Variants in CDC42BPA observed in about 807,000 individuals in gnomAD.
The protein encoded by CDC42BPA is CDC42 binding protein kinase alpha, also known as serine/threonine-protein kinase MRCK alpha.
A neutral mutation model predicts 223.5 loss-of-function variants in CDC42BPA; 80 were observed. The ratio of observed to expected loss-of-function variants is 0.36; its 90% CI spans 0.30 to 0.43. The LOEUF (loss-of-function observed/expected upper bound fraction) is 0.43. Among genes scored for constraint, CDC42BPA ranks in the 20% least tolerant of loss-of-function variants. The pLI is 1.00. For synonymous variants in CDC42BPA, 694 were observed against 718.6 expected (o/e 0.97, Z 0.55); for missense variants, 1,743 against 2,099.9 (o/e 0.83, Z 3.32).
At chr1:227,252,249 T>A (rs1419677983) in intron 2 of CDC42BPA, among the ~76,000 whole-genome samples, 2 of 152,116 alleles carry the variant, frequency 1.3e-5, no homozygotes, top group African/African-American at 4.8e-5. Context: ...AATAAACTGA[T>A]AAACCCCTAG....
At chr1:227,016,507 A>T in intron 33 of CDC42BPA, among the ~76,000 whole-genome samples, 1 of 152,180 alleles carries the variant, frequency 6.6e-6, no homozygotes, top group East Asian at 1.9e-4. Context: ...ATGATTGGTA[A>T]CACTTTAGAA....
intron 26 of CDC42BPA, 86 bp downstream of exon 26, chr1:227,034,569 A>C (rs1669897199): frequency 8.0e-7 from 1 of 1,256,268 alleles, no homozygotes; most frequent in Non-Finnish European, 1.1e-6. Context: ...ATTTAAATAA[A>C]CCATGGCAAC....
chr1:227,199,659 C>T lies in CDC42BPA; in HGVS notation c.355-7G>A, dbSNP rs771330871. ...CTTCACGAAAACATGCTGTCTGAAA[C>T]ACAAAAAGAAAATTTTTAGAGCATA... On this transcript the variant is annotated splice_region_variant and splice_polypyrimidine_tract_variant and intron_variant, in intron 3 of 36. Coordinates refer to ENST00000366766, the MANE Select transcript of CDC42BPA (RefSeq NM_001394014.1). The T allele has an allele frequency of 8.5e-5, 129 of 1,513,250 alleles. No individual in the cohort carries two copies. Among genetic ancestry groups the T allele is most frequent in the Middle Eastern group, 1.7e-4 (1 of 5,882 alleles). The allele number at this position is 1,513,250 out of a possible 1,614,324, so 93.7% of individuals were successfully genotyped here. A position where few individuals can be genotyped will look rare whatever the true frequency, so the allele number is the denominator to read the frequency against.
rs1558226285 is a variant in CDC42BPA at position 226,992,027 on chromosome 1, AGGGTGGGG to A, written c.*2233_*2240del. 4.7e-4 allele frequency: 10 copies of A among 21,326 alleles called. 1 individual carries two copies. The highest frequency in any genetic ancestry group is 1.6e-3 in the African/African-American group (8 of 5,100). 1.3% of individuals were successfully genotyped at this position (21,326 alleles called of 1,614,324 possible). On this transcript the variant is annotated 3_prime_UTR_variant, in exon 37 of 37. Coordinates refer to ENST00000366766, the MANE Select transcript of CDC42BPA (RefSeq NM_001394014.1). ...GGAGGGGAGGGTGGGGAGAGTGAGG[AGGGTGGGG>A]AGAGTGAGGAGGGTGGGGAGAGTGG...
intron 6 of CDC42BPA, among the ~76,000 whole-genome samples, chr1:227,151,495 C>T (rs770923631): frequency 3.6e-4 from 54 of 152,110 alleles, no homozygotes; most frequent in Non-Finnish European, 6.6e-4. Flanking sequence ...GGTATATACC[C>T]AGAGGAGGAA....
chr1:227,223,697 A>G (rs528900572), intron 2 of CDC42BPA, among the ~76,000 whole-genome samples: 1 of 152,334 alleles, frequency 6.6e-6, no homozygotes, highest in East Asian at 1.9e-4. Flanking sequence ...GAAGAGTTCT[A>G]ACTATACCAC....
In CDC42BPA at chr1:227,129,095, T is replaced by G. The variant is rs1391078019; in HGVS notation, c.1513+14A>C. 2 of 1,364,030 alleles carry G rather than the reference T, an allele frequency of 1.5e-6. No individual in the cohort carries two copies. The highest frequency in any genetic ancestry group is 2.1e-6 in the Non-Finnish European group (2 of 972,494). 84.5% of individuals were successfully genotyped at this position (1,364,030 alleles called of 1,614,324 possible). ...TTTCCTAAATTGAATTAACAGTGAA[T>G]CACAGATATTTACCTGTTACTTGTT... On this transcript the variant is annotated intron_variant, in intron 11 of 36. Coordinates refer to ENST00000366766, the MANE Select transcript of CDC42BPA (RefSeq NM_001394014.1).
intron 1 of CDC42BPA, among the ~76,000 whole-genome samples, chr1:227,258,472 G>A (rs551289972): frequency 6.6e-6 from 1 of 150,678 alleles, no homozygotes. Flanking sequence ...CTATACAGGG[G>A]TATACAGTTA....
intron 23 of CDC42BPA, among the ~76,000 whole-genome samples, chr1:227,043,980 G>A (rs11804924): frequency 6.6e-6 from 1 of 152,132 alleles, no homozygotes; most frequent in Middle Eastern, 3.4e-3. Context: ...CAGTATCCAC[G>A]TGTGAAGCTG....
At chr1:227,169,562 T>C (rs1273646028) in intron 5 of CDC42BPA, among the ~76,000 whole-genome samples, 4 of 152,172 alleles carry the variant, frequency 2.6e-5, no homozygotes. Flanking sequence ...GGATCCCCTC[T>C]CTAACAAACA....
At chr1:227,039,320 A>G (rs931607120) in intron 24 of CDC42BPA, among the ~76,000 whole-genome samples, 2 of 151,288 alleles carry the variant, frequency 1.3e-5, no homozygotes, top group African/African-American at 2.4e-5. Flanking sequence ...AGCTTATGCT[A>G]AAAAAAAAGT....
chr1:227,090,585 C>T (rs1051531320), intron 16 of CDC42BPA, among the ~76,000 whole-genome samples: 2 of 151,930 alleles, frequency 1.3e-5, no homozygotes, highest in South Asian at 2.1e-4. Flanking sequence ...CTGAGGTGGG[C>T]GGATTGCTTG....
intron 1 of CDC42BPA, chr1:227,264,697 T>C: frequency 1.5e-6 from 1 of 665,136 alleles, no homozygotes; most frequent in Admixed American, 2.4e-5. Context: ...TAAGAGGCTT[T>C]AACATGAGAA....
At chr1:227,213,369 T>C (rs1047316650) in intron 2 of CDC42BPA, 150 bp from the exon 3 acceptor site, 1 of 518,108 alleles carries the variant, frequency 1.9e-6, no homozygotes, top group Non-Finnish European at 3.4e-6. Flanking sequence ...TTAAATAATG[T>C]TGCCAGATGA....
chr1:227,073,857 A>G lies in CDC42BPA; in HGVS notation c.2735+7T>C, dbSNP rs1279317682. ...TATTCTAGTGGGACTATATGATTCA[A>G]TCTTACCATTCTGTTATGATATTAG... is the stretch of plus-strand genomic sequence containing the variant. On this transcript the variant is annotated splice_region_variant and intron_variant, in intron 19 of 36. Coordinates refer to ENST00000366766, the MANE Select transcript of CDC42BPA (RefSeq NM_001394014.1). The G allele has an allele frequency of 6.4e-7, 1 of 1,562,914 alleles. No homozygotes were observed. Among genetic ancestry groups the G allele is most frequent in the Non-Finnish European group, 8.6e-7 (1 of 1,157,268 alleles).
chr1:227,035,880 C>T (rs928818997), intron 24 of CDC42BPA, among the ~76,000 whole-genome samples: 68 of 152,246 alleles, frequency 4.5e-4, no homozygotes, highest in African/African-American at 1.6e-3. Context: ...AGCATCTAAC[C>T]TTGTGAATAA....
At chr1:227,207,202 G>A (rs1470469941) in intron 3 of CDC42BPA, among the ~76,000 whole-genome samples, 2 of 149,718 alleles carry the variant, frequency 1.3e-5, no homozygotes, top group South Asian at 2.1e-4. Context: ...TTGTCCTTGC[G>A]ATAGTTTGCT....
chr1:227,195,813 A>G (rs926521970), intron 4 of CDC42BPA, among the ~76,000 whole-genome samples: 3 of 152,210 alleles, frequency 2.0e-5, no homozygotes, highest in African/African-American at 7.2e-5. Context: ...GTATATTTAT[A>G]CAAGTTTTTA....
At chr1:227,168,653 G>A (rs1558663596) in intron 5 of CDC42BPA, among the ~76,000 whole-genome samples, 1 of 151,622 alleles carries the variant, frequency 6.6e-6, no homozygotes, top group Admixed American at 6.6e-5. Context: ...CTGCCACCAC[G>A]TCCGGCTAAT....
Sources: gnomAD v4.1 joint callset for allele counts (sites outside exome capture counted in the v4.1 genomes callset) on GRCh38, gnomAD v4.1.1 for gene constraint, MANE v1.5 for transcripts, NCBI Gene and HGNC (gene_info 2026-07-23, HGNC 2026-07-21) for gene names.